Variants in TBCK observed in about 807,000 individuals in gnomAD.
TBCK encodes TBC domain-containing protein kinase-like protein.
In TBCK, 99 loss-of-function variants were observed where a neutral mutation model predicts 113.4. The ratio of observed to expected loss-of-function variants is 0.87; its 90% CI spans 0.74 to 1.03. The LOEUF (loss-of-function observed/expected upper bound fraction) is 1.03. Among genes scored for constraint, TBCK ranks in the 50% least tolerant of loss-of-function variants. The probability of loss-of-function intolerance (pLI) is 0.00; values close to 1 mark genes in which losing one functional copy is unlikely to be tolerated. For missense variants in TBCK, 1,045 were observed against 1,061.3 expected (o/e 0.98, Z 0.21); for synonymous variants, 369 against 370.8 (o/e 1.00, Z 0.05).
intron 22 of TBCK, among the ~76,000 whole-genome samples, chr4:106,191,980 T>G (rs1220455324): frequency 6.6e-6 from 1 of 152,192 alleles, no homozygotes; most frequent in Non-Finnish European, 1.5e-5. Context: ...AAGAATACTG[T>G]ACAATTCCTT....
chr4:106,205,752 ACT>A (rs1483440392), intron 20 of TBCK, among the ~76,000 whole-genome samples: 3 of 149,378 alleles, frequency 2.0e-5, no homozygotes, highest in Non-Finnish European at 4.5e-5. Context: ...ATGGAGTGAG[ACT>A]CTGTCTCAAA....
intron 25 of TBCK, among the ~76,000 whole-genome samples, chr4:106,081,984 A>G (rs1738925347): frequency 6.6e-6 from 1 of 152,226 alleles, no homozygotes. Context: ...TAGAAAAGGG[A>G]GCACTTATAC....
chr4:106,055,479 A>G (rs1252028933), intron 25 of TBCK, among the ~76,000 whole-genome samples: 2 of 151,466 alleles, frequency 1.3e-5, no homozygotes, highest in African/African-American at 2.4e-5. Context: ...TATTTTTCCT[A>G]TGGTGCATAA....
intron 3 of TBCK, among the ~76,000 whole-genome samples, chr4:106,276,233 A>G (rs1032594525): frequency 6.6e-6 from 1 of 152,212 alleles, no homozygotes; most frequent in Non-Finnish European, 1.5e-5. Flanking sequence ...AGTAACCTCA[A>G]CACTATATAC....
intron 3 of TBCK, among the ~76,000 whole-genome samples, chr4:106,263,966 A>ACAAATTTTATTTTACATTAT (rs1312207018): frequency 6.6e-6 from 1 of 151,972 alleles, no homozygotes; most frequent in Non-Finnish European, 1.5e-5. Flanking sequence ...TTTTACATTA[A>ACAAATTTTATTTTACATTAT]CAAATTTTAT....
rs1734236915 is a variant in TBCK, at chr4:106,046,568, C to T, written c.*2G>A. Reference sequence around the variant, plus strand: ...AGTTTTGGCAGTCACACTCTTGGTTCTTCATATTTGAGGAGATGGGATGGT... The same window carrying T: ...AGTTTTGGCAGTCACACTCTTGGTTTTTCATATTTGAGGAGATGGGATGGT... On this transcript the variant is annotated 3_prime_UTR_variant, in exon 26 of 26. Coordinates refer to ENST00000394708, the MANE Select transcript of TBCK (RefSeq NM_001163435.3). 4 of 1,563,198 alleles carry T rather than the reference C, an allele frequency of 2.6e-6. No homozygotes were observed. Among genetic ancestry groups the T allele is most frequent in the Non-Finnish European group, 3.5e-6 (4 of 1,135,080 alleles).
chr4:106,248,458 TAA>T (rs894784614), intron 8 of TBCK, 152 bp from the exon 9 acceptor site: 14 of 563,882 alleles, frequency 2.5e-5, no homozygotes, highest in Non-Finnish European at 3.9e-5. Context: ...AGCAAATACT[TAA>T]AGAGAAATAA....
At chr4:106,058,228 C>A (rs1267859857) in intron 25 of TBCK, among the ~76,000 whole-genome samples, 1 of 151,686 alleles carries the variant, frequency 6.6e-6, no homozygotes, top group Non-Finnish European at 1.5e-5. Flanking sequence ...TTGATAAATG[C>A]TACCTAGAGC....
At chr4:106,215,443 C>T (rs906983094) in intron 19 of TBCK, among the ~76,000 whole-genome samples, 3 of 152,004 alleles carry the variant, frequency 2.0e-5, no homozygotes, top group Non-Finnish European at 2.9e-5. Context: ...GAGTCAAGAC[C>T]CATCAGTGTG....
rs532739847 is a variant in TBCK, at chr4:106,266,866, G to A, written c.267-4654C>T. On this transcript the variant is annotated intron_variant, in intron 3 of 25. Coordinates refer to ENST00000394708, the MANE Select transcript of TBCK (RefSeq NM_001163435.3). ...ATTCTTTAATACTACCAATAACTTG[G>A]GTCATGAAATTTTTTAAGTAGCTAA... Among the ~76,000 whole-genome samples, 38 of 151,766 alleles carry A rather than the reference G, an allele frequency of 2.5e-4. No homozygotes were observed. The South Asian group carries it at 7.7e-3, about 31-fold the overall frequency.
chr4:106,068,915 C>A (rs531288004), intron 25 of TBCK, among the ~76,000 whole-genome samples: 1 of 152,114 alleles, frequency 6.6e-6, no homozygotes, highest in Non-Finnish European at 1.5e-5. Context: ...CATTTTTTCA[C>A]GTGTCTGTTG....
intron 23 of TBCK, among the ~76,000 whole-genome samples, chr4:106,158,398 C>T (rs531922242): frequency 3.4e-4 from 52 of 152,090 alleles, no homozygotes; most frequent in African/African-American, 1.1e-3. Flanking sequence ...CAAAATTAGC[C>T]GGGTGTGGTA....
chr4:106,232,554 T>C (rs1196240148), intron 17 of TBCK, among the ~76,000 whole-genome samples: 9 of 151,902 alleles, frequency 5.9e-5, no homozygotes, highest in East Asian at 1.9e-4. Context: ...TTTAGGATGA[T>C]AGACTATTTT....
At chr4:106,110,729 A>C (rs1742745445) in intron 24 of TBCK, among the ~76,000 whole-genome samples, 1 of 151,992 alleles carries the variant, frequency 6.6e-6, no homozygotes, top group Non-Finnish European at 1.5e-5. Flanking sequence ...CTCTGGTCCT[A>C]CTCTACACAG....
At position 106,295,105 on chromosome 4, in the gene TBCK, C is replaced by T. The variant is rs373691598; in HGVS notation, c.255G>A (p.Arg85=). Residue 85 remains arginine (R), a synonymous_variant, in exon 3 of 26, where the codon AGG becomes AGA. Transcript: ENST00000394708. The stretch of plus-strand genomic sequence containing the variant: ...ATACTATACAGTACCTCACAGGTTT[C>T]CTTTCTCGAAGCAAGTCTTCCAGAC... ...ERSLEDLLRE[R]KPVSCSTVLC... is the part of the protein sequence containing the mutation. The T allele has an allele frequency of 7.4e-6, 12 of 1,613,060 alleles. No individual in the cohort carries two copies. In the African/African-American group the frequency reaches 1.2e-4, roughly 16 times the overall value.
At chr4:106,312,048 G>A (rs1203241540) in intron 1 of TBCK, among the ~76,000 whole-genome samples, 1 of 151,976 alleles carries the variant, frequency 6.6e-6, no homozygotes, top group Non-Finnish European at 1.5e-5. Context: ...CAAAGCACTA[G>A]CCACAAAAGA....
chr4:106,071,132 T>C (rs1402712922), intron 25 of TBCK, among the ~76,000 whole-genome samples: 7 of 152,208 alleles, frequency 4.6e-5, no homozygotes, highest in Non-Finnish European at 1.0e-4. Flanking sequence ...TTTCTTGCCT[T>C]CTGCTAGCTT....
In TBCK at chr4:106,272,579, T is replaced by C. The variant is rs528048360; in HGVS notation, c.267-10367A>G. 3.8e-3 allele frequency among the ~76,000 whole-genome samples: 574 copies of C among 150,416 alleles called. 4 individuals are homozygous for C. The highest frequency in any genetic ancestry group is 0.013 in the African/African-American group (546 of 40,832). ...CGATCTTGGCTCACTGCAAGCTCCGTCTCCCAGGTTCATGCCATTCTCCTG... is the reference window on the plus strand; with the variant it reads ...CGATCTTGGCTCACTGCAAGCTCCGCCTCCCAGGTTCATGCCATTCTCCTG... On this transcript the variant is annotated intron_variant, in intron 3 of 25. Coordinates refer to ENST00000394708, the MANE Select transcript of TBCK (RefSeq NM_001163435.3).
chr4:106,198,567 T>C (rs7682646), intron 20 of TBCK, among the ~76,000 whole-genome samples: 90,635 of 151,848 alleles, frequency 0.6, 27,363 homozygotes, highest in Non-Finnish European at 0.64. Context: ...TGCCACTTGT[T>C]CTGTGAAAAC....
Sources: allele counts gnomAD v4.1 joint callset (sites outside exome capture counted in the v4.1 genomes callset), GRCh38; gene constraint gnomAD v4.1.1; transcripts MANE v1.5; gene names NCBI Gene and HGNC (gene_info 2026-07-23, HGNC 2026-07-21).